Variants in PCDH9 observed in about 807,000 individuals in gnomAD.
PCDH9 encodes the protein protocadherin-9.
Under a neutral mutation model 70.6 loss-of-function variants are expected in PCDH9, and 24 were observed. The observed-to-expected ratio is 0.34, with a 90% CI of 0.25 to 0.48. The LOEUF is 0.48. Ranked by LOEUF, PCDH9 falls within the 20% of genes least tolerant of loss-of-function variation. The pLI is 0.99. For missense variants in PCDH9, 1,281 were observed against 1,503.6 expected (o/e 0.85, Z 2.45); for synonymous variants, 562 against 558.5 (o/e 1.01, Z -0.09).
intron 3 of PCDH9, among the ~76,000 whole-genome samples, chr13:66,849,655 A>G (rs1364281823): frequency 6.6e-6 from 1 of 152,016 alleles, no homozygotes; most frequent in Non-Finnish European, 1.5e-5. Context: ...ATCCAGCCTC[A>G]GGGAAGAATG....
At chr13:66,666,603 C>G (rs2078101072) in intron 3 of PCDH9, among the ~76,000 whole-genome samples, 1 of 152,100 alleles carries the variant, frequency 6.6e-6, no homozygotes, top group Non-Finnish European at 1.5e-5. Flanking sequence ...TGTACCCTAA[C>G]AAAATAGTCC....
At chr13:66,966,226 C>T (rs1480978738) in intron 2 of PCDH9, among the ~76,000 whole-genome samples, 1 of 152,102 alleles carries the variant, frequency 6.6e-6, no homozygotes, top group Non-Finnish European at 1.5e-5. Flanking sequence ...TCTGTTTCCT[C>T]GTTTCCAAAT....
At chr13:67,129,822 G>A (rs1927813) in intron 2 of PCDH9, among the ~76,000 whole-genome samples, 101,509 of 151,688 alleles carry the variant, frequency 0.67, 34,030 homozygotes, top group East Asian at 0.83. Context: ...TATCTATTCT[G>A]GATTCAATTC....
chr13:66,973,918 CT>C (rs2083568851), intron 2 of PCDH9, among the ~76,000 whole-genome samples: 1 of 152,010 alleles, frequency 6.6e-6, no homozygotes, highest in African/African-American at 2.4e-5. Flanking sequence ...CACATCTACA[CT>C]TGCTGAGAAT....
At position 67,004,517 on chromosome 13, in the gene PCDH9, A is replaced by G. The variant is rs1005974942; in HGVS notation, c.3037-100912T>C. On this transcript the variant is annotated intron_variant, in intron 2 of 4. Transcript: ENST00000377865. ...AGTTGCAGCGAGCCGAGATTGTGCCATTGCACTCCAGCCTGGGTGACAGAG... is the reference window on the plus strand; with the variant it reads ...AGTTGCAGCGAGCCGAGATTGTGCCGTTGCACTCCAGCCTGGGTGACAGAG... Among the ~76,000 whole-genome samples, 9 of 147,376 alleles carry G rather than the reference A, an allele frequency of 6.1e-5. No homozygotes were observed. In the South Asian group the frequency reaches 1.9e-3, roughly 32 times the overall value.
chr13:66,965,509 C>A (rs975157734), intron 2 of PCDH9, among the ~76,000 whole-genome samples: 2 of 152,126 alleles, frequency 1.3e-5, no homozygotes, highest in Non-Finnish European at 2.9e-5. Context: ...GCTATTGCAG[C>A]CTCCTTTAAA....
intron 2 of PCDH9, chr13:67,221,508 A>T (rs966237621): frequency 9.9e-5 from 15 of 152,116 alleles, no homozygotes; most frequent in African/African-American, 3.6e-4. Flanking sequence ...TAAATACTCT[A>T]GATTGTGAAA....
intron 3 of PCDH9, among the ~76,000 whole-genome samples, chr13:66,711,106 T>G (rs777277621): frequency 1.6e-4 from 24 of 152,158 alleles, no homozygotes; most frequent in Non-Finnish European, 2.4e-4. Context: ...AGAGTATTAT[T>G]TCTTCCCCAC....
Position 67,126,806 on chromosome 13 carries a change from C to T in PCDH9, c.3036+98599G>A, listed in dbSNP as rs746895583. ...CGGAGGTTTCAGTGAGCAGAGACTG[C>T]GCCACTGCACTCCAATCTGGCAACA... is the stretch of plus-strand genomic sequence containing the variant. On this transcript the variant is annotated intron_variant, in intron 2 of 4. Coordinates refer to ENST00000377865, the MANE Select transcript of PCDH9 (RefSeq NM_203487.3). Among the ~76,000 whole-genome samples, 9 of 152,164 alleles carry T rather than the reference C, an allele frequency of 5.9e-5. No individual in the cohort carries two copies. The South Asian group carries it at 1.0e-3, about 18-fold the overall frequency.
At chr13:66,475,838 C>T (rs910645310) in intron 4 of PCDH9, among the ~76,000 whole-genome samples, 5 of 152,070 alleles carry the variant, frequency 3.3e-5, no homozygotes, top group African/African-American at 9.7e-5. Context: ...AAAGCATTCA[C>T]GACCACATTG....
intron 3 of PCDH9, among the ~76,000 whole-genome samples, chr13:66,902,925 A>C (rs1326757271): frequency 6.6e-6 from 1 of 151,822 alleles, no homozygotes; most frequent in Non-Finnish European, 1.5e-5. Context: ...ACAACTATGG[A>C]TCTTCTACCT....
chr13:66,325,399 G>A (rs1163914698), intron 4 of PCDH9, among the ~76,000 whole-genome samples: 2 of 151,940 alleles, frequency 1.3e-5, no homozygotes, highest in Admixed American at 1.3e-4. Flanking sequence ...GACTTATGAC[G>A]AGTTTTCTGT....
chr13:67,154,864 CA>C (rs1475093478), intron 2 of PCDH9, among the ~76,000 whole-genome samples: 1 of 151,586 alleles, frequency 6.6e-6, no homozygotes, highest in Non-Finnish European at 1.5e-5. Flanking sequence ...TCACCACACC[CA>C]GCAAATTTTT....
intron 4 of PCDH9, among the ~76,000 whole-genome samples, chr13:66,441,070 A>G (rs895144250): frequency 2.6e-5 from 4 of 152,190 alleles, no homozygotes; most frequent in African/African-American, 9.7e-5. Flanking sequence ...CCCTTCACAG[A>G]ATATACACTA....
At chr13:66,493,562 T>C (rs1185409072) in intron 4 of PCDH9, among the ~76,000 whole-genome samples, 1 of 152,068 alleles carries the variant, frequency 6.6e-6, no homozygotes, top group African/African-American at 2.4e-5. Flanking sequence ...ATGTGATTGG[T>C]CAACAAAAAG....
intron 4 of PCDH9, among the ~76,000 whole-genome samples, chr13:66,347,942 T>G (rs1396602492): frequency 6.6e-6 from 1 of 152,212 alleles, no homozygotes; most frequent in South Asian, 2.1e-4. Flanking sequence ...AATCATCACT[T>G]ACTGAGTCAC....
chr13:67,187,957 A>G (rs1437298505), intron 2 of PCDH9, among the ~76,000 whole-genome samples: 2 of 152,114 alleles, frequency 1.3e-5, no homozygotes. Flanking sequence ...ACAATAAATT[A>G]TTGTTAACTA....
chr13:66,340,575 C>A (rs755716759), intron 4 of PCDH9, among the ~76,000 whole-genome samples: 2 of 152,072 alleles, frequency 1.3e-5, no homozygotes, highest in Admixed American at 6.6e-5. Context: ...AAAGGATCTG[C>A]CAAATATGTG....
chr13:67,048,449 C>G (rs1015338902), intron 2 of PCDH9, among the ~76,000 whole-genome samples: 2 of 152,152 alleles, frequency 1.3e-5, no homozygotes, highest in Non-Finnish European at 2.9e-5. Context: ...TAAGGCCATG[C>G]CGCTGAAAGC....
Sources: allele counts gnomAD v4.1 joint callset (sites outside exome capture counted in the v4.1 genomes callset), GRCh38; gene constraint gnomAD v4.1.1; transcripts MANE v1.5; gene names NCBI Gene and HGNC (gene_info 2026-07-23, HGNC 2026-07-21).